SLC44A1: variants seen among roughly 807,000 people sequenced by gnomAD.
SLC44A1 encodes the protein choline transporter-like protein 1.
A neutral mutation model predicts 79.3 loss-of-function variants in SLC44A1; 26 were observed. That is an observed-to-expected ratio of 0.33 (90% CI 0.24 to 0.46). The LOEUF (loss-of-function observed/expected upper bound fraction) is 0.46. Among genes scored for constraint, SLC44A1 ranks in the 20% least tolerant of loss-of-function variants. The pLI, the probability that SLC44A1 is intolerant of heterozygous loss-of-function variation, is 1.00. For synonymous variants in SLC44A1, 263 were observed against 286.2 expected (o/e 0.92, Z 0.82); for missense variants, 688 against 798.1 (o/e 0.86, Z 1.66).
rs1381420652 is a variant in SLC44A1, at chr9:105,393,282, T to C, written c.*4226T>C. 2.0e-6 allele frequency: 2 copies of C among 985,354 alleles called. No homozygotes were observed. The highest frequency in any genetic ancestry group is 1.2e-6 in the Non-Finnish European group (1 of 829,948). 61.0% of individuals were successfully genotyped at this position (985,354 alleles called of 1,614,324 possible). ...AAAAGTAGGCACTATTCATACACAG[T>C]AGCTTCTTGGAATTAACTCATCTTT... On this transcript the variant is annotated 3_prime_UTR_variant, in exon 16 of 16. Transcript: ENST00000374720.
At chr9:105,437,372 T>G (rs1187409881) in intron 15 of SLC44A1, among the ~76,000 whole-genome samples, 1 of 152,060 alleles carries the variant, frequency 6.6e-6, no homozygotes, top group East Asian at 1.9e-4. Context: ...TCTATAGATA[T>G]AGATATAACT....
chr9:105,245,588 G>C (rs1226325855), intron 1 of SLC44A1, among the ~76,000 whole-genome samples: 1 of 152,216 alleles, frequency 6.6e-6, no homozygotes, highest in Admixed American at 6.5e-5. Context: ...CGGGAGCGCC[G>C]ACTCTGGGCT....
chr9:105,313,757 CATT>C (rs891979381), intron 3 of SLC44A1, among the ~76,000 whole-genome samples: 2 of 151,334 alleles, frequency 1.3e-5, no homozygotes, highest in African/African-American at 2.4e-5. Context: ...AAATTATTAT[CATT>C]ATTATTATTA....
At chr9:105,274,517 C>G (rs1830155780) in intron 1 of SLC44A1, among the ~76,000 whole-genome samples, 1 of 152,192 alleles carries the variant, frequency 6.6e-6, no homozygotes, top group Admixed American at 6.5e-5. Context: ...CTGACCACCT[C>G]CTTCTCTGAA....
At chr9:105,369,599 T>C (rs1007482103) in intron 12 of SLC44A1, among the ~76,000 whole-genome samples, 2 of 152,230 alleles carry the variant, frequency 1.3e-5, no homozygotes, top group African/African-American at 4.8e-5. Context: ...AAGAAAGGAA[T>C]AATTGTAATT....
chr9:105,323,888 ACC>A (rs1473719764), intron 3 of SLC44A1, among the ~76,000 whole-genome samples: 1 of 152,178 alleles, frequency 6.6e-6, no homozygotes, highest in Non-Finnish European at 1.5e-5. Flanking sequence ...CCCCACTCTC[ACC>A]ATGGTCTTCT....
chr9:105,388,758 G>C (rs1411390924), intron 15 of SLC44A1, among the ~76,000 whole-genome samples: 1 of 152,102 alleles, frequency 6.6e-6, no homozygotes, highest in Non-Finnish European at 1.5e-5. Context: ...CTATCATATA[G>C]GAAAGAACTT....
rs1828750927 is a variant in SLC44A1, at chr9:105,391,000, A to G, written c.*1944A>G. 9.1e-6 allele frequency: 9 copies of G among 985,346 alleles called. No homozygotes were observed. Among genetic ancestry groups the G allele is most frequent in the Non-Finnish European group, 1.1e-5 (9 of 829,452 alleles). The allele number at this position is 985,346 out of a possible 1,614,324, so 61.0% of individuals were successfully genotyped here. ...GATGAGAGAGCAAATCATGTGAGAA[A>G]ATTCAGAATACCATCTGTTTCATAG... On this transcript the variant is annotated 3_prime_UTR_variant, in exon 16 of 16. Coordinates refer to ENST00000374720, the MANE Select transcript of SLC44A1 (RefSeq NM_080546.5).
intron 3 of SLC44A1, among the ~76,000 whole-genome samples, chr9:105,317,418 T>G (rs1446493917): frequency 6.6e-6 from 1 of 152,096 alleles, no homozygotes; most frequent in Non-Finnish European, 1.5e-5. Flanking sequence ...TGAAAATATT[T>G]TTTGTCATAT....
chr9:105,362,739 G>A, intron 8 of SLC44A1, 82 bp from the exon 9 acceptor site: 1 of 1,025,544 alleles, frequency 9.8e-7, no homozygotes, highest in Non-Finnish European at 1.4e-6. Context: ...TGGGGCTGAA[G>A]GGTTATGTTA....
intron 1 of SLC44A1, among the ~76,000 whole-genome samples, chr9:105,267,610 T>C (rs1393440676): frequency 6.6e-6 from 1 of 152,222 alleles, no homozygotes; most frequent in Non-Finnish European, 1.5e-5. Context: ...TTTTGTTCTT[T>C]TCAGTATTCT....
chr9:105,254,802 G>A (rs948661762), intron 1 of SLC44A1, among the ~76,000 whole-genome samples: 2 of 152,314 alleles, frequency 1.3e-5, no homozygotes. Context: ...GTTAAGTGGT[G>A]AGTTAGTATT....
chr9:105,405,500 A>C (rs756673174), intron 15 of SLC44A1, among the ~76,000 whole-genome samples: 16 of 152,172 alleles, frequency 1.1e-4, no homozygotes, highest in Non-Finnish European at 1.9e-4. Flanking sequence ...AAATAAAGAC[A>C]TTTCAGTAAG....
In SLC44A1 at chr9:105,395,574, A is replaced by G; in HGVS notation, c.*6518A>G. ...GTAAATGCAGAGACCACTGGTGGAA[A>G]TTCCCATGTTGGATAGAAAAGGGCG... On this transcript the variant is annotated 3_prime_UTR_variant, in exon 16 of 16. Transcript: ENST00000374720. 2.0e-6 allele frequency: 2 copies of G among 985,472 alleles called. No individual in the cohort carries two copies. The highest frequency in any genetic ancestry group is 2.4e-6 in the Non-Finnish European group (2 of 829,956). 61.0% of individuals were successfully genotyped at this position (985,472 alleles called of 1,614,324 possible).
At chr9:105,293,847 C>A (rs1040705676) in intron 1 of SLC44A1, among the ~76,000 whole-genome samples, 1 of 152,112 alleles carries the variant, frequency 6.6e-6, no homozygotes, top group Non-Finnish European at 1.5e-5. Context: ...ATCAAATTCA[C>A]CAGAAGGCCT....
intron 4 of SLC44A1, among the ~76,000 whole-genome samples, chr9:105,346,890 A>G (rs750851647): frequency 1.3e-5 from 2 of 152,088 alleles, no homozygotes; most frequent in Non-Finnish European, 2.9e-5. Flanking sequence ...AATATTTTGC[A>G]TTGTCAGATT....
downstream of SLC44A1, among the ~76,000 whole-genome samples, chr9:105,401,582 G>A (rs963631446): frequency 5.3e-5 from 8 of 152,198 alleles, no homozygotes; most frequent in East Asian, 1.5e-3. Context: ...GGAGTGGAGA[G>A]GATCTGATAA....
At chr9:105,342,792 C>T (rs562881921) in intron 4 of SLC44A1, among the ~76,000 whole-genome samples, 53 of 152,134 alleles carry the variant, frequency 3.5e-4, no homozygotes, top group African/African-American at 1.1e-3. Context: ...AGATGCTTTG[C>T]GTATTGTTTT....
rs905477962 is a variant in SLC44A1, at chr9:105,393,346, A to G, written c.*4290A>G. ...CACATAGTCCAAATTTTTAAAAAGC[A>G]AGACCCTTGAATATGCCAAGAGAAA... is the stretch of plus-strand genomic sequence containing the variant. On this transcript the variant is annotated 3_prime_UTR_variant, in exon 16 of 16. Transcript: ENST00000374720. 10 of 985,258 alleles carry G rather than the reference A, an allele frequency of 1.0e-5. No individual in the cohort carries two copies. The African/African-American group carries it at 1.7e-4, about 17-fold the overall frequency. The allele number at this position is 985,258 out of a possible 1,614,324, so 61.0% of individuals were successfully genotyped here.
Sources: gnomAD v4.1 joint callset for allele counts (sites outside exome capture counted in the v4.1 genomes callset) on GRCh38, gnomAD v4.1.1 for gene constraint, MANE v1.5 for transcripts, NCBI Gene and HGNC (gene_info 2026-07-23, HGNC 2026-07-21) for gene names.